The following PPP1R14C variants were observed in gnomAD, a reference collection of about 807,000 sequenced individuals.
The protein encoded by PPP1R14C is protein phosphatase 1 regulatory subunit 14C.
In PPP1R14C, 16 loss-of-function variants were observed where a neutral mutation model predicts 20.4. That is an observed-to-expected ratio of 0.78 (90% CI 0.53 to 1.19). The LOEUF (loss-of-function observed/expected upper bound fraction) is 1.19, where lower values mean the gene tolerates loss of function less well. PPP1R14C is among the 50% of genes most tolerant of loss of function. The probability of loss-of-function intolerance (pLI) is 0.00; values close to 1 mark genes in which losing one functional copy is unlikely to be tolerated. For missense variants in PPP1R14C, 211 were observed against 220.1 expected (o/e 0.96, Z 0.26); for synonymous variants, 91 against 91.0 (o/e 1.00, Z 0.00).
chr6:150,235,343 G>A (rs1205122272), intron 3 of PPP1R14C, among the ~76,000 whole-genome samples: 1 of 152,192 alleles, frequency 6.6e-6, no homozygotes, highest in Non-Finnish European at 1.5e-5. Flanking sequence ...TTCTGCCTCA[G>A]CCTCCCAAAA....
chr6:150,151,891 C>T (rs1292402003), intron 1 of PPP1R14C, among the ~76,000 whole-genome samples: 2 of 152,060 alleles, frequency 1.3e-5, no homozygotes, highest in Non-Finnish European at 2.9e-5. Flanking sequence ...GAGGCTGAGG[C>T]GGGCGGATCA....
chr6:150,248,943 T>TC lies in PPP1R14C; in HGVS notation c.*123_*124insC. Reference sequence around the variant, plus strand: ...AACGTTTTTGTTTTTTTTTTTTTCTTTTTTGGTGTGAAGGTGGGGGGGTCT... The same window carrying TC: ...AACGTTTTTGTTTTTTTTTTTTTCTTCTTTTGGTGTGAAGGTGGGGGGGTCT... On this transcript the variant is annotated 3_prime_UTR_variant, in exon 4 of 4. Coordinates refer to ENST00000361131, the MANE Select transcript of PPP1R14C (RefSeq NM_030949.3). 1.8e-6 allele frequency: 1 copy of TC among 562,700 alleles called. No individual in the cohort carries two copies. Among genetic ancestry groups the TC allele is most frequent in the Non-Finnish European group, 3.0e-6 (1 of 330,692 alleles). 34.9% of individuals were successfully genotyped at this position (562,700 alleles called of 1,614,324 possible). A position where few individuals can be genotyped will look rare whatever the true frequency, so the allele number is the denominator to read the frequency against.
At chr6:150,153,046 A>G (rs1777268584) in intron 1 of PPP1R14C, among the ~76,000 whole-genome samples, 1 of 152,240 alleles carries the variant, frequency 6.6e-6, no homozygotes, top group Admixed American at 6.5e-5. Context: ...CACAGCAAGA[A>G]GATGGAAGAC....
chr6:150,207,212 C>G (rs908958795), intron 1 of PPP1R14C, among the ~76,000 whole-genome samples: 3 of 152,116 alleles, frequency 2.0e-5, no homozygotes, highest in South Asian at 4.1e-4. Flanking sequence ...CTCTCTGGCT[C>G]TAAGCAAGCT....
chr6:150,145,594 A>G (rs894352078), intron 1 of PPP1R14C, among the ~76,000 whole-genome samples: 5 of 152,306 alleles, frequency 3.3e-5, no homozygotes, highest in South Asian at 2.1e-4. Context: ...ATAGTGCTCT[A>G]TTTTTAGCAT....
At chr6:150,195,760 C>A (rs574176687) in intron 1 of PPP1R14C, 2 of 819,886 alleles carry the variant, frequency 2.4e-6, no homozygotes, top group Admixed American at 6.2e-5. Flanking sequence ...TGCAACCATC[C>A]CCACCATTCA....
At chr6:150,203,028 A>G (rs1777897307) in intron 1 of PPP1R14C, among the ~76,000 whole-genome samples, 1 of 152,162 alleles carries the variant, frequency 6.6e-6, no homozygotes, top group Non-Finnish European at 1.5e-5. Flanking sequence ...ATCTTGCTAC[A>G]TTATTATTAG....
intron 1 of PPP1R14C, among the ~76,000 whole-genome samples, chr6:150,173,226 T>C (rs1208522383): frequency 6.6e-6 from 1 of 152,186 alleles, no homozygotes; most frequent in East Asian, 1.9e-4. Context: ...ATGCCCTGTC[T>C]CTTCTAGCAT....
intron 3 of PPP1R14C, among the ~76,000 whole-genome samples, chr6:150,228,704 C>CT (rs926169211): frequency 3.3e-5 from 5 of 151,822 alleles, no homozygotes; most frequent in African/African-American, 9.7e-5. Flanking sequence ...TACGAAGATG[C>CT]TTTTTTTTCA....
At chr6:150,194,863 T>C in intron 1 of PPP1R14C, 1 of 985,372 alleles carries the variant, frequency 1.0e-6, no homozygotes, top group South Asian at 4.7e-5. Context: ...TTACACATGT[T>C]GAATACAATT....
chr6:150,199,777 G>A (rs1777853922), intron 1 of PPP1R14C, among the ~76,000 whole-genome samples: 1 of 151,936 alleles, frequency 6.6e-6, no homozygotes, highest in Non-Finnish European at 1.5e-5. Flanking sequence ...GTTGAGGCAG[G>A]AGGATCGCTG....
intron 1 of PPP1R14C, among the ~76,000 whole-genome samples, chr6:150,184,634 T>C (rs1777657898): frequency 6.6e-6 from 1 of 152,100 alleles, no homozygotes; most frequent in Non-Finnish European, 1.5e-5. Context: ...TTTGGACTTC[T>C]CTCTGCCAAA....
chr6:150,216,273 A>G (rs970353674), intron 2 of PPP1R14C, among the ~76,000 whole-genome samples: 3 of 152,208 alleles, frequency 2.0e-5, no homozygotes, highest in Non-Finnish European at 4.4e-5. Flanking sequence ...AGGCGGGTGG[A>G]TCACCTGAGG....
intron 2 of PPP1R14C, among the ~76,000 whole-genome samples, chr6:150,215,304 C>T (rs1020244696): frequency 6.6e-6 from 1 of 152,246 alleles, no homozygotes; most frequent in Non-Finnish European, 1.5e-5. Context: ...AGACAGTGCT[C>T]ACCTCATAGC....
At chr6:150,210,017 TTG>T (rs374067296) in intron 1 of PPP1R14C, among the ~76,000 whole-genome samples, 5 of 151,174 alleles carry the variant, frequency 3.3e-5, no homozygotes, top group South Asian at 2.1e-4. Context: ...GTGTATATAT[TTG>T]TGTGTGTGTG....
At position 150,249,991 on chromosome 6, in the gene PPP1R14C, C is replaced by G. The variant is rs368620838; in HGVS notation, c.*1171C>G. 40 of 154,038 alleles carry G rather than the reference C, an allele frequency of 2.6e-4. 1 individual carries two copies. The South Asian group carries it at 5.6e-3, about 21-fold the overall frequency. The allele number at this position is 154,038 out of a possible 1,614,324, so 9.5% of individuals were successfully genotyped here. On this transcript the variant is annotated 3_prime_UTR_variant, in exon 4 of 4. Transcript: ENST00000361131. Reference sequence around the variant, plus strand: ...GGCCCTAATTGTGCACCCTGATCCCCGTGCTTGGAGCTAGGCCTGGTGGCG... The same window carrying G: ...GGCCCTAATTGTGCACCCTGATCCCGGTGCTTGGAGCTAGGCCTGGTGGCG...
intron 1 of PPP1R14C, among the ~76,000 whole-genome samples, chr6:150,170,348 A>C (rs1209433116): frequency 1.4e-5 from 2 of 146,508 alleles, no homozygotes; most frequent in African/African-American, 5.1e-5. Flanking sequence ...TTTGAGATGG[A>C]GTCTCACTCT....
intron 1 of PPP1R14C, among the ~76,000 whole-genome samples, chr6:150,200,351 A>G (rs1481145150): frequency 6.6e-6 from 1 of 152,094 alleles, no homozygotes; most frequent in African/African-American, 2.4e-5. Flanking sequence ...GCTACCCCTC[A>G]TGGTGCCGGG....
At chr6:150,178,872 G>T (rs918959389) in intron 1 of PPP1R14C, among the ~76,000 whole-genome samples, 1 of 152,190 alleles carries the variant, frequency 6.6e-6, no homozygotes, top group South Asian at 2.1e-4. Context: ...AAATAAACAG[G>T]ATCTGTGTAG....
Sources: allele counts gnomAD v4.1 joint callset (sites outside exome capture counted in the v4.1 genomes callset), GRCh38; gene constraint gnomAD v4.1.1; transcripts MANE v1.5; gene names NCBI Gene and HGNC (gene_info 2026-07-23, HGNC 2026-07-21).